HECTD2: variants seen among roughly 807,000 people sequenced by gnomAD.
The protein encoded by HECTD2 is probable E3 ubiquitin-protein ligase HECTD2.
HECTD2 carries 35 observed loss-of-function variants against 103.2 expected under a neutral mutation model. The observed-to-expected ratio is 0.34, with a 90% CI of 0.26 to 0.45. The LOEUF is 0.45. Among genes scored for constraint, HECTD2 ranks in the 20% least tolerant of loss-of-function variants. HECTD2 has a pLI of 1.00. For synonymous variants in HECTD2, 281 were observed against 329.9 expected (o/e 0.85, Z 1.61); for missense variants, 596 against 937.4 (o/e 0.64, Z 4.76).
At position 91,411,130 on chromosome 10, in the gene HECTD2, C is replaced by G. The variant is rs539651687; in HGVS notation, c.138+554C>G. Reference sequence around the variant, plus strand: ...TGATGGTTTTATTTTTCATATGGTACAGACATGTGACTCAGGTGGGGGGAG... The same window carrying G: ...TGATGGTTTTATTTTTCATATGGTAGAGACATGTGACTCAGGTGGGGGGAG... On this transcript the variant is annotated intron_variant, in intron 1 of 20. Coordinates refer to ENST00000298068, the MANE Select transcript of HECTD2 (RefSeq NM_182765.6). Among the ~76,000 whole-genome samples, 6 of 152,250 alleles carry G rather than the reference C, an allele frequency of 3.9e-5. No individual in the cohort carries two copies. In the South Asian group the frequency reaches 1.2e-3, roughly 32 times the overall value.
Position 91,487,227 on chromosome 10 carries a change from A to C in HECTD2, c.1095-455A>C, listed in dbSNP as rs1589534095. 1.1e-5 allele frequency: 2 copies of C among 177,722 alleles called. No homozygotes were observed. Among genetic ancestry groups the C allele is most frequent in the East Asian group, 2.7e-4 (2 of 7,454 alleles). The allele number at this position is 177,722 out of a possible 1,614,324, so 11.0% of individuals were successfully genotyped here. On this transcript the variant is annotated intron_variant, in intron 10 of 20. Transcript: ENST00000298068. The surrounding 1 kb of genome is among the most constrained non-coding windows in gnomAD (Gnocchi z 4.1). ...TTAAATATATTACTTTACTTTTTAC[A>C]TACTGTAGTTATTGTTAGATTTTTT...
chr10:91,487,515 G>A lies in HECTD2; in HGVS notation c.1095-167G>A, dbSNP rs1349708263. The stretch of plus-strand genomic sequence containing the variant: ...CTAGTAATGATACATTCTTCACATG[G>A]CTGTGAGAATTAAAAGAAATTATAC... On this transcript the variant is annotated intron_variant, in intron 10 of 20. Coordinates refer to ENST00000298068, the MANE Select transcript of HECTD2 (RefSeq NM_182765.6). This position sits in a 1 kb window ranked among gnomAD's most constrained non-coding sequence, Gnocchi z 4.1. The A allele has an allele frequency of 1.5e-6, 1 of 669,422 alleles. No homozygotes were observed. The highest frequency in any genetic ancestry group is 1.8e-5 in the African/African-American group (1 of 55,996). 41.5% of individuals were successfully genotyped at this position (669,422 alleles called of 1,614,324 possible). A position where few individuals can be genotyped will look rare whatever the true frequency, so the allele number is the denominator to read the frequency against.
intron 5 of HECTD2, among the ~76,000 whole-genome samples, chr10:91,464,100 T>C (rs906258229): frequency 1.3e-5 from 2 of 152,192 alleles, no homozygotes; most frequent in African/African-American, 2.4e-5. Context: ...TAATACAAGA[T>C]GCTAGCAATA....
At chr10:91,471,449 A>G (rs545086487) in intron 5 of HECTD2, among the ~76,000 whole-genome samples, 1 of 152,312 alleles carries the variant, frequency 6.6e-6, no homozygotes, top group East Asian at 1.9e-4. Context: ...TATTCAACAT[A>G]GTACTGGGAG....
At chr10:91,499,502 C>A (rs541645404) in intron 18 of HECTD2, among the ~76,000 whole-genome samples, 1 of 152,266 alleles carries the variant, frequency 6.6e-6, no homozygotes, top group South Asian at 2.1e-4. Context: ...GTTACAACTT[C>A]TTAATGATTA....
chr10:91,502,343 A>T (rs1344005248), intron 20 of HECTD2, among the ~76,000 whole-genome samples: 1 of 152,192 alleles, frequency 6.6e-6, no homozygotes, highest in African/African-American at 2.4e-5. Context: ...GCCAGCTATG[A>T]CTATTAAAGA....
At chr10:91,492,250 C>T in intron 12 of HECTD2, 102 bp from the exon 13 acceptor site, 3 of 1,095,070 alleles carry the variant, frequency 2.7e-6, no homozygotes, top group Non-Finnish European at 4.1e-6. Flanking sequence ...TGTAGCATTG[C>T]AAATAAGTTA....
At chr10:91,497,456 ATTTTTTTTT>A (rs34254753) in intron 15 of HECTD2, among the ~76,000 whole-genome samples, 5 of 74,754 alleles carry the variant, frequency 6.7e-5, no homozygotes, top group South Asian at 9.3e-4. Context: ...ACACCTGGCT[ATTTTTTTTT>A]TTTTTTTTTT....
At chr10:91,455,415 G>A (rs963643565) in intron 2 of HECTD2, among the ~76,000 whole-genome samples, 1 of 151,810 alleles carries the variant, frequency 6.6e-6, no homozygotes, top group Non-Finnish European at 1.5e-5. Flanking sequence ...TTGTTGATGG[G>A]GTTGTTTGTT....
chr10:91,431,759 C>T (rs949494934), intron 2 of HECTD2, among the ~76,000 whole-genome samples: 4 of 151,894 alleles, frequency 2.6e-5, no homozygotes, highest in Admixed American at 1.3e-4. Context: ...CTGTGTATTG[C>T]TTATTCTAGT....
chr10:91,438,885 G>A (rs113933491), intron 2 of HECTD2, among the ~76,000 whole-genome samples: 30,526 of 151,994 alleles, frequency 0.2, 7,270 homozygotes, highest in African/African-American at 0.58. Context: ...TCTTTTAAGA[G>A]GTGTCTGTTC....
Position 91,428,018 on chromosome 10 carries a change from T to C in HECTD2, c.268+2608T>C, listed in dbSNP as rs560546819. 2.6e-5 allele frequency among the ~76,000 whole-genome samples: 4 copies of C among 152,046 alleles called. No homozygotes were observed. In the East Asian group the frequency reaches 7.7e-4, roughly 29 times the overall value. On this transcript the variant is annotated intron_variant, in intron 2 of 20. Transcript: ENST00000298068. ...GGTTTTTATGGTTTTAGGTCTAACATTTAAGTCTTTAATCCATCTCCAATT... is the reference window on the plus strand; with the variant it reads ...GGTTTTTATGGTTTTAGGTCTAACACTTAAGTCTTTAATCCATCTCCAATT...
intron 11 of HECTD2, among the ~76,000 whole-genome samples, chr10:91,490,696 C>A (rs1846435480): frequency 6.6e-6 from 1 of 151,190 alleles, no homozygotes; most frequent in Non-Finnish European, 1.5e-5. Context: ...TCGAGACCAT[C>A]CTGGCTAACA....
chr10:91,410,457 G>C lies in HECTD2; in HGVS notation c.19G>C (p.Val7Leu), dbSNP rs950295650. The C allele has an allele frequency of 4.5e-5, 66 of 1,457,892 alleles. No individual in the cohort carries two copies. The African/African-American group carries it at 9.1e-4, about 20-fold the overall frequency. 90.3% of individuals were successfully genotyped at this position (1,457,892 alleles called of 1,614,324 possible). A position where few individuals can be genotyped will look rare whatever the true frequency, so the allele number is the denominator to read the frequency against. The change falls in exon 1 of 21, where the codon GTA (valine) becomes CTA (leucine). Residue 7 changes from valine (V) to leucine (L), a missense_variant. Val to Leu is a conservative substitution (Grantham distance 32). Around this residue, in one of 4 missense-constraint regions of HECTD2, gnomAD observed 220 missense variants for 233.9 expected, o/e 0.94. Transcript: ENST00000298068. MSEAVR[V>L]PSPATPLVVA... ...GCCCGACATGAGTGAGGCGGTTCGG[G>C]TACCCTCGCCCGCCACTCCGCTGGT...
intron 2 of HECTD2, among the ~76,000 whole-genome samples, chr10:91,450,397 T>C (rs186008956): frequency 1.3e-5 from 2 of 152,182 alleles, no homozygotes; most frequent in African/African-American, 4.8e-5. Context: ...AAAACTTAAA[T>C]GTAAAACCTA....
chr10:91,469,336 G>A (rs902761363), intron 5 of HECTD2, among the ~76,000 whole-genome samples: 2 of 152,152 alleles, frequency 1.3e-5, no homozygotes, highest in African/African-American at 2.4e-5. Flanking sequence ...ATGAAAAAAT[G>A]TTAAAGGCAG....
intron 6 of HECTD2, among the ~76,000 whole-genome samples, chr10:91,480,125 G>C (rs1332322324): frequency 6.6e-6 from 1 of 152,078 alleles, no homozygotes; most frequent in Non-Finnish European, 1.5e-5. Context: ...TCTGAGGACT[G>C]AAGGGTTAAG....
rs765753164 is a variant in HECTD2, at chr10:91,487,785, C to G, written c.1191+7C>G. 6.5e-7 allele frequency: 1 copy of G among 1,528,752 alleles called. No homozygotes were observed. The highest frequency in any genetic ancestry group is 1.1e-5 in the South Asian group (1 of 87,936). 94.7% of individuals were successfully genotyped at this position (1,528,752 alleles called of 1,614,324 possible). ...GATGATAAACATCGCAAGGGTAAGT[C>G]AGCTATAAAAACATATTTATGCTGA... On this transcript the variant is annotated splice_region_variant and intron_variant, in intron 11 of 20. Transcript: ENST00000298068. The surrounding 1 kb of genome is among the most constrained non-coding windows in gnomAD (Gnocchi z 4.1).
chr10:91,463,566 T>C (rs2133211506), intron 5 of HECTD2: 1 of 152,232 alleles, frequency 6.6e-6, no homozygotes, highest in East Asian at 1.9e-4. Context: ...AAAAGGAGAG[T>C]TTTATCTCCT....
Sources: allele counts gnomAD v4.1 joint callset (sites outside exome capture counted in the v4.1 genomes callset), GRCh38; gene constraint gnomAD v4.1.1; regional missense constraint gnomAD v4.1.1; non-coding constraint Gnocchi (gnomAD v3.1); transcripts MANE v1.5; gene names NCBI Gene and HGNC (gene_info 2026-07-23, HGNC 2026-07-21).